The following CTNNA2 variants were observed in gnomAD, a reference collection of about 807,000 sequenced individuals.
CTNNA2 encodes catenin alpha-2.
Under a neutral mutation model 101.0 loss-of-function variants are expected in CTNNA2, and 42 were observed. The observed-to-expected ratio is 0.42, with a 90% confidence interval of 0.32 to 0.54. The LOEUF (loss-of-function observed/expected upper bound fraction) is 0.54, where lower values mean the gene tolerates loss of function less well. Ranked by LOEUF, CTNNA2 falls within the 20% of genes least tolerant of loss-of-function variation. The pLI, the probability that CTNNA2 is intolerant of heterozygous loss-of-function variation, is 0.14. For synonymous variants in CTNNA2, 450 were observed against 456.4 expected, an observed-to-expected ratio of 0.99 and a Z score of 0.18; for missense variants, 871 against 1,223.1, an observed-to-expected ratio of 0.71 and a Z score of 4.29.
intron 7 of CTNNA2, among the ~76,000 whole-genome samples, chr2:80,317,200 G>C (rs897664091): frequency 6.6e-6 from 1 of 152,112 alleles, no homozygotes; most frequent in African/African-American, 2.4e-5. Flanking sequence ...TTGAACACAG[G>C]ATATGCTTTC....
In CTNNA2 at chr2:80,423,417, T is replaced by A. The variant is rs564266941; in HGVS notation, c.1290+3816T>A. On this transcript the variant is annotated intron_variant, in intron 9 of 18. Transcript: ENST00000402739. ...GTGGGTCCAATATACTCAAAACTTATATATTGAGTTCAATTTTTTTTTAAA... is the reference window on the plus strand; with the variant it reads ...GTGGGTCCAATATACTCAAAACTTAAATATTGAGTTCAATTTTTTTTTAAA... Among the ~76,000 whole-genome samples the A allele has an allele frequency of 3.9e-5, 6 of 152,220 alleles. No homozygotes were observed. The South Asian group carries it at 1.2e-3, about 32-fold the overall frequency.
At chr2:80,489,595 C>G (rs942704710) in intron 9 of CTNNA2, among the ~76,000 whole-genome samples, 1 of 152,058 alleles carries the variant, frequency 6.6e-6, no homozygotes, top group African/African-American at 2.4e-5. Flanking sequence ...TACTTCACTT[C>G]TTGTTTCTGA....
chr2:79,702,636 C>T (rs1168367998), intron 2 of CTNNA2, among the ~76,000 whole-genome samples: 1 of 152,024 alleles, frequency 6.6e-6, no homozygotes, highest in Non-Finnish European at 1.5e-5. Flanking sequence ...GTTAATTTGC[C>T]TCCTTTCATA....
At chr2:79,686,455 G>T (rs1415574817) in intron 2 of CTNNA2, among the ~76,000 whole-genome samples, 4 of 152,060 alleles carry the variant, frequency 2.6e-5, no homozygotes, top group Non-Finnish European at 5.9e-5. Context: ...AAACTACTTA[G>T]CTGCAAAATA....
chr2:79,607,807 G>C (rs572548313), intron 1 of CTNNA2, among the ~76,000 whole-genome samples: 1 of 151,866 alleles, frequency 6.6e-6, no homozygotes, highest in East Asian at 1.9e-4. Context: ...ACACATATAA[G>C]AAAAAAGAAA....
chr2:80,489,556 A>T (rs1485428213), intron 9 of CTNNA2, among the ~76,000 whole-genome samples: 1 of 152,190 alleles, frequency 6.6e-6, no homozygotes, highest in South Asian at 2.1e-4. Flanking sequence ...AGTCCATGTT[A>T]TATAAGGGTG....
intron 1 of CTNNA2, among the ~76,000 whole-genome samples, chr2:79,623,493 G>A (rs1315623251): frequency 6.6e-6 from 1 of 152,110 alleles, no homozygotes; most frequent in Non-Finnish European, 1.5e-5. Flanking sequence ...TAAGTAAATG[G>A]TAATGAGAAT....
chr2:79,209,615 A>G (rs1205086159), intron 2 of CTNNA2, among the ~76,000 whole-genome samples: 1 of 152,204 alleles, frequency 6.6e-6, no homozygotes, highest in African/African-American at 2.4e-5. Context: ...ATTCACTGTT[A>G]AACAATACTG....
At chr2:79,212,160 T>A (rs1572980811) in intron 2 of CTNNA2, among the ~76,000 whole-genome samples, 1 of 152,056 alleles carries the variant, frequency 6.6e-6, no homozygotes, top group Non-Finnish European at 1.5e-5. Context: ...AGAGTGGCAG[T>A]TTGGGGATAG....
chr2:79,407,357 G>A (rs1365933403), intron 4 of CTNNA2, among the ~76,000 whole-genome samples: 4 of 152,092 alleles, frequency 2.6e-5, no homozygotes, highest in Admixed American at 1.3e-4. Context: ...GTGGTAAGGT[G>A]AGGCTGCCTT....
intron 3 of CTNNA2, among the ~76,000 whole-genome samples, chr2:79,347,195 G>A (rs568818173): frequency 6.6e-6 from 1 of 152,040 alleles, no homozygotes; most frequent in African/African-American, 2.4e-5. Flanking sequence ...TTTGGAATAG[G>A]GTGAACTACG....
intron 1 of CTNNA2, among the ~76,000 whole-genome samples, chr2:79,617,093 G>A (rs1208186500): frequency 4.0e-5 from 6 of 151,804 alleles, no homozygotes; most frequent in East Asian, 1.9e-4. Flanking sequence ...TAGTAGAGAC[G>A]GGGTTTCACC....
chr2:79,606,178 A>T (rs1677876843), intron 1 of CTNNA2, among the ~76,000 whole-genome samples: 1 of 152,206 alleles, frequency 6.6e-6, no homozygotes. Flanking sequence ...AATATGCATC[A>T]ACATATGTGA....
chr2:80,410,172 A>G (rs182534429), intron 8 of CTNNA2, among the ~76,000 whole-genome samples: 119 of 152,330 alleles, frequency 7.8e-4, no homozygotes, highest in Admixed American at 2.0e-3. Flanking sequence ...GGCTCAATGT[A>G]CAGCATACAC....
Position 79,874,227 on chromosome 2 carries a change from A to C in CTNNA2, c.737A>C (p.Gln246Pro). The change falls in exon 6 of 19, where the codon CAA becomes CCA. Residue 246 changes from glutamine (Q) to proline (P), a missense_variant. Gln to Pro is a moderately conservative substitution (Grantham distance 76, BLOSUM62 -1). Coordinates refer to ENST00000402739, the MANE Select transcript of CTNNA2 (RefSeq NM_001282597.3). Reference protein sequence around the residue: ...TRANRDYVFKQVQEAIAGISN... With the variant: ...TRANRDYVFKPVQEAIAGISN... ...GCCAACCGAGATTATGTGTTCAAAC[A>C]AGTCCAGGAGGCCATCGCCGGCATC... is the stretch of plus-strand genomic sequence containing the variant. 6.2e-7 allele frequency: 1 copy of C among 1,614,102 alleles called. No individual in the cohort carries two copies. Among genetic ancestry groups the C allele is most frequent in the Non-Finnish European group, 8.5e-7 (1 of 1,180,044 alleles).
intron 4 of CTNNA2, among the ~76,000 whole-genome samples, chr2:79,501,193 A>T (rs1428154418): frequency 6.6e-6 from 1 of 152,202 alleles, no homozygotes; most frequent in Non-Finnish European, 1.5e-5. Flanking sequence ...ACCCATGGAA[A>T]ATGGGTTACT....
At chr2:80,173,870 A>G (rs369806317) in intron 7 of CTNNA2, among the ~76,000 whole-genome samples, 259 of 152,280 alleles carry the variant, frequency 1.7e-3, no homozygotes, top group African/African-American at 5.8e-3. Context: ...GTAGCCTGCA[A>G]TAGGAAGATG....
chr2:79,186,482 C>A (rs1421883957), intron 1 of CTNNA2, among the ~76,000 whole-genome samples: 1 of 152,092 alleles, frequency 6.6e-6, no homozygotes, highest in Non-Finnish European at 1.5e-5. Flanking sequence ...TTTCTGAGTT[C>A]TTTTTTATTA....
In CTNNA2 at chr2:80,072,394, C is replaced by G. The variant is rs568127673; in HGVS notation, c.1056+162597C>G. Among the ~76,000 whole-genome samples the G allele has an allele frequency of 2.0e-5, 3 of 152,084 alleles. No homozygotes were observed. In the East Asian group the frequency reaches 5.8e-4, roughly 30 times the overall value. ...CCAGTTTCTTGGTGCTCAACTCTCT[C>G]TCCTGATTTCTGTAGCACTTAAGCT... On this transcript the variant is annotated intron_variant, in intron 7 of 18. Coordinates refer to ENST00000402739, the MANE Select transcript of CTNNA2 (RefSeq NM_001282597.3).
Sources: allele counts gnomAD v4.1 joint callset (sites outside exome capture counted in the v4.1 genomes callset), GRCh38; gene constraint gnomAD v4.1.1; transcripts MANE v1.5; gene names NCBI Gene and HGNC (gene_info 2026-07-23, HGNC 2026-07-21).